Variants in CSMD1 observed in about 807,000 individuals in gnomAD.
CSMD1 encodes the protein CUB and sushi domain-containing protein 1.
CSMD1 carries 213 observed loss-of-function variants against 417.5 expected under a neutral mutation model. The observed-to-expected ratio is 0.51, with a 90% confidence interval of 0.46 to 0.57. The LOEUF is 0.57. CSMD1 is among the 20% of genes least tolerant of loss of function. CSMD1 has a pLI of 0.00. For synonymous variants in CSMD1, 2,862 were observed against 1,736.8 expected, an observed-to-expected ratio of 1.65 and a Z score of -16.11; for missense variants, 6,923 against 4,529.7, an observed-to-expected ratio of 1.53 and a Z score of -15.17.
At position 3,904,679 on chromosome 8, in the gene CSMD1, C is replaced by T. The variant is rs1337087425; in HGVS notation, c.818+93224G>A. Among the ~76,000 whole-genome samples, 3 of 150,426 alleles carry T rather than the reference C, an allele frequency of 2.0e-5. No individual in the cohort carries two copies. The East Asian group carries it at 5.9e-4, about 29-fold the overall frequency. ...TGAGATGAAGTCTTACTCTGTCACC[C>T]CGGTTGGACTGCAGTGGTGCTATCT... is the stretch of plus-strand genomic sequence containing the variant. On this transcript the variant is annotated intron_variant, in intron 5 of 69. Transcript: ENST00000635120.
At chr8:4,136,596 A>G (rs913778111) in intron 3 of CSMD1, among the ~76,000 whole-genome samples, 1 of 152,224 alleles carries the variant, frequency 6.6e-6, no homozygotes, top group African/African-American at 2.4e-5. Flanking sequence ...TGCCAATTCC[A>G]GCCAGCAAGA....
At chr8:3,485,062 T>C (rs148776562) in intron 11 of CSMD1, among the ~76,000 whole-genome samples, 5 of 152,322 alleles carry the variant, frequency 3.3e-5, no homozygotes, top group Non-Finnish European at 7.4e-5. Flanking sequence ...CACTCCTAAG[T>C]AATTTCCAAG....
intron 4 of CSMD1, among the ~76,000 whole-genome samples, chr8:4,003,877 T>A (rs1398822889): frequency 6.6e-6 from 1 of 152,220 alleles, no homozygotes. Context: ...TGTGATAAAA[T>A]GTTTGTTTTT....
At chr8:4,759,113 G>A (rs1193927644) in intron 1 of CSMD1, among the ~76,000 whole-genome samples, 1 of 152,166 alleles carries the variant, frequency 6.6e-6, no homozygotes, top group Non-Finnish European at 1.5e-5. Flanking sequence ...AAATGCATTT[G>A]GGCTGAGGGA....
chr8:4,788,453 G>A (rs1317059635), intron 1 of CSMD1: 9 of 1,325,476 alleles, frequency 6.8e-6, no homozygotes, highest in Non-Finnish European at 8.7e-6. Context: ...TTCTCCAGAA[G>A]GATCAGCTCA....
In CSMD1 at chr8:3,307,571, T is replaced by TTTACCTTTTCTTCTTTAGTTCA. The variant is rs1804973874; in HGVS notation, c.3950+102_3950+123dup. ...AGCCAACAAAACTTTTAGCTACAGC[T>TTTACCTTTTCTTCTTTAGTTCA]TTACCTTTTCTTCTTTAGTTCAGAA... On this transcript the variant is annotated intron_variant, in intron 25 of 69. Coordinates refer to ENST00000635120, the MANE Select transcript of CSMD1 (RefSeq NM_033225.6). 14 of 1,165,040 alleles carry TTTACCTTTTCTTCTTTAGTTCA rather than the reference T, an allele frequency of 1.2e-5. No individual in the cohort carries two copies. In the Admixed American group the frequency reaches 3.3e-4, roughly 27 times the overall value. The allele number at this position is 1,165,040 out of a possible 1,614,324, so 72.2% of individuals were successfully genotyped here.
At chr8:4,328,250 T>C (rs980386084) in intron 3 of CSMD1, among the ~76,000 whole-genome samples, 87 of 148,514 alleles carry the variant, frequency 5.9e-4, no homozygotes, top group African/African-American at 2.2e-3. Context: ...CAATTTTTTT[T>C]TTTTTTTTTT....
At chr8:3,533,287 G>A (rs1265365083) in intron 10 of CSMD1, among the ~76,000 whole-genome samples, 2 of 152,056 alleles carry the variant, frequency 1.3e-5, no homozygotes, top group African/African-American at 4.8e-5. Flanking sequence ...ATGTTTAAAT[G>A]CCCAATATAA....
chr8:4,753,074 A>C (rs1811435544), intron 1 of CSMD1, among the ~76,000 whole-genome samples: 1 of 152,142 alleles, frequency 6.6e-6, no homozygotes, highest in Non-Finnish European at 1.5e-5. Context: ...TAACCCTCAC[A>C]CCATCCTTAA....
In CSMD1 at chr8:4,562,164, G is replaced by A. The variant is rs1798371795; in HGVS notation, c.302+75178C>T. On this transcript the variant is annotated intron_variant, in intron 2 of 69. Transcript: ENST00000635120. The stretch of plus-strand genomic sequence containing the variant: ...TTAATTAAGAGCAGAAAACATACAA[G>A]GAAGCATGAGCAGTAGGAAGAAACT... Among the ~76,000 whole-genome samples the A allele has an allele frequency of 2.6e-5, 4 of 152,186 alleles. No homozygotes were observed. The South Asian group carries it at 8.3e-4, about 32-fold the overall frequency.
At chr8:3,585,719 T>C (rs1290603452) in intron 9 of CSMD1, among the ~76,000 whole-genome samples, 3 of 152,192 alleles carry the variant, frequency 2.0e-5, no homozygotes, top group African/African-American at 7.2e-5. Context: ...ACAATTCCTT[T>C]TATTACTTAC....
At chr8:4,443,134 G>T (rs531840411) in intron 2 of CSMD1, among the ~76,000 whole-genome samples, 5 of 152,126 alleles carry the variant, frequency 3.3e-5, no homozygotes, top group African/African-American at 1.2e-4. Flanking sequence ...AGCTGGTATA[G>T]CAACAGTATC....
intron 3 of CSMD1, among the ~76,000 whole-genome samples, chr8:4,081,478 T>G (rs1196501180): frequency 6.6e-6 from 1 of 152,132 alleles, no homozygotes; most frequent in East Asian, 1.9e-4. Context: ...GAACACTAAA[T>G]TAGCCCTACA....
chr8:3,425,803 C>A (rs941199040), intron 12 of CSMD1, among the ~76,000 whole-genome samples: 3 of 151,970 alleles, frequency 2.0e-5, no homozygotes, highest in African/African-American at 7.3e-5. Context: ...AATTTCAGCA[C>A]CTTGATTCAC....
chr8:3,271,663 C>T (rs1801865490), intron 26 of CSMD1, among the ~76,000 whole-genome samples: 1 of 152,326 alleles, frequency 6.6e-6, no homozygotes, highest in African/African-American at 2.4e-5. Context: ...TTTCAATTTG[C>T]ATTTCTCTGA....
At chr8:3,293,193 C>G (rs922687993) in intron 25 of CSMD1, among the ~76,000 whole-genome samples, 1 of 152,154 alleles carries the variant, frequency 6.6e-6, no homozygotes, top group Admixed American at 6.5e-5. Flanking sequence ...GCCGAGAGAT[C>G]CGCTGTTGGT....
intron 3 of CSMD1, among the ~76,000 whole-genome samples, chr8:4,334,303 A>G (rs899736398): frequency 7.2e-5 from 11 of 152,148 alleles, no homozygotes; most frequent in African/African-American, 2.7e-4. Context: ...TATTCCAGGT[A>G]TTCCTGGGAA....
intron 5 of CSMD1, among the ~76,000 whole-genome samples, chr8:3,946,337 C>T (rs913705110): frequency 8.5e-5 from 13 of 152,158 alleles, no homozygotes; most frequent in African/African-American, 2.4e-5. Flanking sequence ...CTCACATTTT[C>T]GTCAAAAAAA....
At chr8:4,013,741 T>G (rs1350508956) in intron 4 of CSMD1, among the ~76,000 whole-genome samples, 1 of 152,224 alleles carries the variant, frequency 6.6e-6, no homozygotes, top group Non-Finnish European at 1.5e-5. Context: ...AACTATAGCT[T>G]GTGGGTTACA....
Sources: allele counts gnomAD v4.1 joint callset (sites outside exome capture counted in the v4.1 genomes callset), GRCh38; gene constraint gnomAD v4.1.1; transcripts MANE v1.5; gene names NCBI Gene and HGNC (gene_info 2026-07-23, HGNC 2026-07-21).